The following TNS3 variants were observed in gnomAD, a reference collection of about 807,000 sequenced individuals.
The protein encoded by TNS3 is tensin 3, also known as tensin-3.
A neutral mutation model predicts 140.9 loss-of-function variants in TNS3; 45 were observed. That is an observed-to-expected ratio of 0.32 (90% confidence interval 0.25 to 0.41). The LOEUF (loss-of-function observed/expected upper bound fraction) is 0.41. Ranked by LOEUF, TNS3 falls within the 10% of genes least tolerant of loss-of-function variation. The probability of loss-of-function intolerance (pLI) is 1.00; values close to 1 mark genes in which losing one functional copy is unlikely to be tolerated. For missense variants in TNS3, 1,716 were observed against 1,906.7 expected, an observed-to-expected ratio of 0.90 and a Z score of 1.86; for synonymous variants, 815 against 788.4, an observed-to-expected ratio of 1.03 and a Z score of -0.56.
chr7:47,480,236 G>A (rs1043883547), intron 4 of TNS3, among the ~76,000 whole-genome samples: 6 of 152,226 alleles, frequency 3.9e-5, no homozygotes, highest in Non-Finnish European at 8.8e-5. Context: ...GCCAAGAGCA[G>A]AAAGCCCTGC....
chr7:47,482,025 G>T (rs1408407420), intron 3 of TNS3, among the ~76,000 whole-genome samples: 1 of 152,214 alleles, frequency 6.6e-6, no homozygotes, highest in African/African-American at 2.4e-5. Context: ...AGGGAGCCAG[G>T]CAGGCATTGC....
intron 16 of TNS3, among the ~76,000 whole-genome samples, chr7:47,381,633 G>A (rs904215253): frequency 1.7e-4 from 26 of 152,212 alleles, no homozygotes; most frequent in African/African-American, 5.8e-4. Flanking sequence ...TGGGCTATAA[G>A]TGCACGCAGA....
intron 2 of TNS3, 77 bp downstream of exon 2, chr7:47,528,959 G>GA: frequency 3.2e-6 from 3 of 951,126 alleles, no homozygotes; most frequent in Non-Finnish European, 2.8e-6. Flanking sequence ...GGAAACTCCT[G>GA]AAAAAAAGTT....
chr7:47,528,672 G>A (rs563244166), intron 2 of TNS3, among the ~76,000 whole-genome samples: 4 of 152,208 alleles, frequency 2.6e-5, no homozygotes, highest in African/African-American at 9.7e-5. Context: ...AAATGAACCC[G>A]AAATCTAAAG....
chr7:47,413,251 CTTTTTT>C (rs71003398), intron 12 of TNS3, among the ~76,000 whole-genome samples: 1 of 52,904 alleles, frequency 1.9e-5, no homozygotes, highest in African/African-American at 7.6e-5. Flanking sequence ...CAAGCCTGGC[CTTTTTT>C]TTTTTTTTTT....
intron 20 of TNS3, among the ~76,000 whole-genome samples, chr7:47,316,630 A>G (rs1429660283): frequency 1.3e-5 from 2 of 151,068 alleles, no homozygotes; most frequent in Non-Finnish European, 3.0e-5. Context: ...GGAGTTTGAG[A>G]CCAGCCTGGC....
At chr7:47,545,256 C>T (rs2151972350) in intron 1 of TNS3, among the ~76,000 whole-genome samples, 1 of 151,902 alleles carries the variant, frequency 6.6e-6, no homozygotes, top group Non-Finnish European at 1.5e-5. Flanking sequence ...TCTCCTGCCT[C>T]AGCCTCCCAA....
rs199738614 is a variant in TNS3, at chr7:47,521,102, G to A, written c.-153+7934C>T. Among the ~76,000 whole-genome samples, 39 of 152,194 alleles carry A rather than the reference G, an allele frequency of 2.6e-4. No homozygotes were observed. In the East Asian group the frequency reaches 5.0e-3, roughly 20 times the overall value. On this transcript the variant is annotated intron_variant, in intron 2 of 30. Transcript: ENST00000311160. ...ACAGCAGTGCATCGCATCATAGTAGGGGCAGTCGGCCCAGGGGAGCAGATA... is the reference window on the plus strand; with the variant it reads ...ACAGCAGTGCATCGCATCATAGTAGAGGCAGTCGGCCCAGGGGAGCAGATA...
chr7:47,298,919 T>G (rs1198378735), intron 23 of TNS3, among the ~76,000 whole-genome samples: 62 of 152,304 alleles, frequency 4.1e-4, no homozygotes, highest in Non-Finnish European at 2.2e-4. Flanking sequence ...GTGGGAAGGA[T>G]GGGCAGGAAA....
At chr7:47,465,806 C>T (rs1796686921) in intron 4 of TNS3, among the ~76,000 whole-genome samples, 2 of 151,924 alleles carry the variant, frequency 1.3e-5, no homozygotes, top group Non-Finnish European at 2.9e-5. Context: ...TGCCTGTAAT[C>T]CCAGCTATTC....
upstream of TNS3, chr7:47,582,340 G>A (rs1784557272): frequency 6.9e-6 from 3 of 435,896 alleles, no homozygotes; most frequent in South Asian, 1.6e-5. Context: ...GCCGCAGAGA[G>A]GACCTGGAAT....
At chr7:47,410,233 T>C (rs2151401094) in intron 13 of TNS3, among the ~76,000 whole-genome samples, 1 of 152,304 alleles carries the variant, frequency 6.6e-6, no homozygotes. Context: ...GCACCATCGC[T>C]GCAGCACAGC....
chr7:47,324,802 TCTTTGAAAAA>T (rs1303916874), intron 20 of TNS3, among the ~76,000 whole-genome samples: 1 of 152,160 alleles, frequency 6.6e-6, no homozygotes, highest in African/African-American at 2.4e-5. Flanking sequence ...ACTTTGAAAA[TCTTTGAAAAA>T]CTTTGAAAAA....
intron 20 of TNS3, among the ~76,000 whole-genome samples, chr7:47,319,700 T>G (rs1184263051): frequency 6.6e-6 from 1 of 152,140 alleles, no homozygotes; most frequent in Non-Finnish European, 1.5e-5. Flanking sequence ...TGGACCTGAA[T>G]AGAATCAAAG....
At chr7:47,361,097 C>G (rs1790290429) in intron 17 of TNS3, among the ~76,000 whole-genome samples, 1 of 151,150 alleles carries the variant, frequency 6.6e-6, no homozygotes, top group Non-Finnish European at 1.5e-5. Flanking sequence ...CCCATGGAAC[C>G]CCCATCCTGC....
intron 17 of TNS3, among the ~76,000 whole-genome samples, chr7:47,363,100 C>CCATCATCAT (rs1176704240): frequency 6.9e-6 from 1 of 145,484 alleles, no homozygotes; most frequent in Admixed American, 6.7e-5. Flanking sequence ...ACAGTCATCA[C>CCATCATCAT]CATCATCATC....
chr7:47,410,324 A>G (rs1299889070), intron 13 of TNS3, among the ~76,000 whole-genome samples: 1 of 152,110 alleles, frequency 6.6e-6, no homozygotes, highest in African/African-American at 2.4e-5. Context: ...GCCTATAAAA[A>G]CGTATGACGC....
At chr7:47,476,838 AG>A (rs1328715323) in intron 4 of TNS3, among the ~76,000 whole-genome samples, 1 of 152,162 alleles carries the variant, frequency 6.6e-6, no homozygotes, top group East Asian at 1.9e-4. Flanking sequence ...TCACAAAGGG[AG>A]GTTTGCCTCC....
chr7:47,530,101 G>A (rs1016482422), intron 1 of TNS3, among the ~76,000 whole-genome samples: 2 of 152,144 alleles, frequency 1.3e-5, no homozygotes, highest in South Asian at 4.1e-4. Context: ...ACAAGAGAAA[G>A]AAAGGTCATA....
Sources: allele counts gnomAD v4.1 joint callset (sites outside exome capture counted in the v4.1 genomes callset), GRCh38; gene constraint gnomAD v4.1.1; transcripts MANE v1.5; gene names NCBI Gene and HGNC (gene_info 2026-07-23, HGNC 2026-07-21).